Variants in PPT2 observed in about 807,000 individuals in gnomAD.
PPT2 encodes the protein lysosomal thioesterase PPT2.
A neutral mutation model predicts 37.3 loss-of-function variants in PPT2; 20 were observed. That is an observed-to-expected ratio of 0.54 (90% CI 0.38 to 0.78). The LOEUF (loss-of-function observed/expected upper bound fraction) is 0.78. Ranked by LOEUF, PPT2 falls within the 30% of genes least tolerant of loss-of-function variation. The pLI is 0.00. For missense variants in PPT2, 270 were observed against 389.8 expected (o/e 0.69, Z 2.59); for synonymous variants, 135 against 159.1 (o/e 0.85, Z 1.14).
At chr6:32,154,082 A>G, upstream of PPT2, 2 of 1,090,540 alleles carry the variant, frequency 1.8e-6, no homozygotes, top group Non-Finnish European at 2.2e-6. The surrounding 1 kb of genome is among the most constrained non-coding windows in gnomAD (Gnocchi z 7.3). Context: ...TGCCAGAGAA[A>G]GCCCCGGACG....
chr6:32,162,913 CCCTT>C lies in PPT2; in HGVS notation c.873_876del (p.Leu292MetfsTer158). On this transcript the variant is annotated frameshift_variant, in exon 9 of 9. Coordinates refer to ENST00000324816, the MANE Select transcript of PPT2 (RefSeq NM_005155.7). LOFTEE classifies it high-confidence loss of function. This position sits in a 1 kb window ranked among gnomAD's most constrained non-coding sequence, Gnocchi z 5.5. The stretch of plus-strand genomic sequence containing the variant: ...CACACAGCCTGGCACTCCAACCGTA[CCCTT>C]TATGAGACCTGCATTGAACCTTGGC... The C allele has an allele frequency of 6.2e-7, 1 of 1,614,148 alleles. No homozygotes were observed. The highest frequency in any genetic ancestry group is 8.5e-7 in the Non-Finnish European group (1 of 1,180,004).
chr6:32,155,697 T>C lies in PPT2; in HGVS notation c.347T>C (p.Val116Ala). ...GGTGTTCTGCTTACAGGGGGCCTTG[T>C]GTGCCGGGCTCTGCTTTCTGTCATG... is the stretch of plus-strand genomic sequence containing the variant. ...HLICYSQGGL[V>A]CRALLSVMDD... The change falls in exon 4 of 9, where the codon GTG becomes GCG. Residue 116 changes from valine (V) to alanine (A), a missense_variant. Val to Ala is a moderately conservative substitution (Grantham distance 64). Coordinates refer to ENST00000324816, the MANE Select transcript of PPT2 (RefSeq NM_005155.7). This position sits in a 1 kb window ranked among gnomAD's most constrained non-coding sequence, Gnocchi z 4.3. 1.2e-6 allele frequency: 2 copies of C among 1,614,032 alleles called. No individual in the cohort carries two copies. The highest frequency in any genetic ancestry group is 8.5e-7 in the Non-Finnish European group (1 of 1,180,000).
Position 32,155,992 on chromosome 6 carries a change from C to G in PPT2, c.541+14C>G, listed in dbSNP as rs533599926. On this transcript the variant is annotated intron_variant, in intron 5 of 8. Transcript: ENST00000324816. This position sits in a 1 kb window ranked among gnomAD's most constrained non-coding sequence, Gnocchi z 4.3. ...ACTACTGGCATGGTGAGTGGGGATG[C>G]TGAACTGGGGCTTCCATGGATCAGG... is the stretch of plus-strand genomic sequence containing the variant. The G allele has an allele frequency of 6.3e-7, 1 of 1,592,042 alleles. No individual in the cohort carries two copies. The highest frequency in any genetic ancestry group is 2.2e-5 in the East Asian group (1 of 44,786).
Position 32,154,952 on chromosome 6 carries a change from C to T in PPT2, c.184-78C>T. On this transcript the variant is annotated intron_variant, in intron 2 of 8. Coordinates refer to ENST00000324816, the MANE Select transcript of PPT2 (RefSeq NM_005155.7). The surrounding 1 kb of genome is among the most constrained non-coding windows in gnomAD (Gnocchi z 7.3). Reference sequence around the variant, plus strand: ...CTGGTTCTAGCAGGGTACAATAGACCTGTGGACGCGGGCCAGGGGGTGGCG... The same window carrying T: ...CTGGTTCTAGCAGGGTACAATAGACTTGTGGACGCGGGCCAGGGGGTGGCG... 1 of 1,592,800 alleles carries T rather than the reference C, an allele frequency of 6.3e-7. No individual in the cohort carries two copies. Among genetic ancestry groups the T allele is most frequent in the South Asian group, 1.1e-5 (1 of 90,112 alleles).
chr6:32,160,769 C>T (rs1449051370), intron 7 of PPT2, among the ~76,000 whole-genome samples: 1 of 151,996 alleles, frequency 6.6e-6, no homozygotes, highest in Non-Finnish European at 1.5e-5. Flanking sequence ...GAGGCCGAGG[C>T]ATGAGCCCAG....
Position 32,156,089 on chromosome 6 carries a change from T to C in PPT2, c.541+111T>C. 3 of 907,886 alleles carry C rather than the reference T, an allele frequency of 3.3e-6. No individual in the cohort carries two copies. Among genetic ancestry groups the C allele is most frequent in the East Asian group, 4.9e-5 (2 of 40,526 alleles). The allele number at this position is 907,886 out of a possible 1,614,324, so 56.2% of individuals were successfully genotyped here. On this transcript the variant is annotated intron_variant, in intron 5 of 8. Coordinates refer to ENST00000324816, the MANE Select transcript of PPT2 (RefSeq NM_005155.7). This position sits in a 1 kb window ranked among gnomAD's most constrained non-coding sequence, Gnocchi z 4.9. ...AAGATAACTTACATTTATTGAGTTA[T>C]TTGAACAGGCTCTGTTCAGAATTTT...
chr6:32,163,067 C>A lies in PPT2; in HGVS notation c.*117C>A. 2.4e-6 allele frequency: 3 copies of A among 1,240,050 alleles called. No individual in the cohort carries two copies. Among genetic ancestry groups the A allele is most frequent in the East Asian group, 2.4e-5 (1 of 42,466 alleles). The allele number at this position is 1,240,050 out of a possible 1,614,324, so 76.8% of individuals were successfully genotyped here. On this transcript the variant is annotated 3_prime_UTR_variant, in exon 9 of 9. Coordinates refer to ENST00000324816, the MANE Select transcript of PPT2 (RefSeq NM_005155.7). ...CACCTCATTGCTCCCATATTATCCC[C>A]CATTTTTAGTAGAGACGGGGTTTTA...
chr6:32,155,823 G>T lies in PPT2; in HGVS notation c.433+40G>T. On this transcript the variant is annotated intron_variant, in intron 4 of 8. Transcript: ENST00000324816. This position sits in a 1 kb window ranked among gnomAD's most constrained non-coding sequence, Gnocchi z 4.3. ...GACTCCATAGAATGCCCTGAGTTTTGGGGGAACAGAGGTTTATGGTCACTT... is the reference window on the plus strand; with the variant it reads ...GACTCCATAGAATGCCCTGAGTTTTTGGGGAACAGAGGTTTATGGTCACTT... 3 of 1,611,048 alleles carry T rather than the reference G, an allele frequency of 1.9e-6. No homozygotes were observed. The highest frequency in any genetic ancestry group is 2.5e-6 in the Non-Finnish European group (3 of 1,177,234).
chr6:32,154,905 G>C lies in PPT2; in HGVS notation c.184-125G>C. On this transcript the variant is annotated intron_variant, in intron 2 of 8. Transcript: ENST00000324816. This position sits in a 1 kb window ranked among gnomAD's most constrained non-coding sequence, Gnocchi z 7.3. ...CTCAGGGAGCTGGTGCTGGCGTGGG[G>C]GAGAGTTGGGGGACGGGATCCCTGG... 1 of 1,531,968 alleles carries C rather than the reference G, an allele frequency of 6.5e-7. No individual in the cohort carries two copies. The highest frequency in any genetic ancestry group is 8.9e-7 in the Non-Finnish European group (1 of 1,123,422). The allele number at this position is 1,531,968 out of a possible 1,614,324, so 94.9% of individuals were successfully genotyped here.
intron 6 of PPT2, 45 bp downstream of exon 6, chr6:32,157,765 G>C: frequency 6.4e-7 from 1 of 1,566,014 alleles, no homozygotes; most frequent in Non-Finnish European, 8.8e-7. Flanking sequence ...CTGCTTCTTT[G>C]ACTCCCTATG....
intron 7 of PPT2, among the ~76,000 whole-genome samples, chr6:32,159,584 C>T (rs1008274746): frequency 1.3e-5 from 2 of 150,612 alleles, no homozygotes; most frequent in African/African-American, 4.9e-5. Flanking sequence ...CAGGACATCT[C>T]TTAAAATATT....
upstream of PPT2, chr6:32,153,641 G>A: frequency 6.2e-7 from 1 of 1,602,178 alleles, no homozygotes; most frequent in Non-Finnish European, 8.5e-7. This position sits in a 1 kb window ranked among gnomAD's most constrained non-coding sequence, Gnocchi z 4.4. Flanking sequence ...AGAGTTGTAA[G>A]TCGCTGACCT....
In PPT2 at chr6:32,154,854, G is replaced by A; in HGVS notation, c.183+77G>A. The A allele has an allele frequency of 6.5e-7, 1 of 1,548,046 alleles. No homozygotes were observed. Among genetic ancestry groups the A allele is most frequent in the Non-Finnish European group, 8.8e-7 (1 of 1,140,074 alleles). On this transcript the variant is annotated intron_variant, in intron 2 of 8. Coordinates refer to ENST00000324816, the MANE Select transcript of PPT2 (RefSeq NM_005155.7). This position sits in a 1 kb window ranked among gnomAD's most constrained non-coding sequence, Gnocchi z 7.3. Reference sequence around the variant, plus strand: ...GGGGAGGGAGAGCGGGGAACTGAAAGCCACCCCTCTGGGCCTGCCCAGTTC... The same window carrying A: ...GGGGAGGGAGAGCGGGGAACTGAAAACCACCCCTCTGGGCCTGCCCAGTTC...
upstream of PPT2, chr6:32,153,762 C>T: frequency 2.4e-6 from 3 of 1,249,624 alleles, no homozygotes; most frequent in African/African-American, 3.0e-5. This position sits in a 1 kb window ranked among gnomAD's most constrained non-coding sequence, Gnocchi z 4.4. Flanking sequence ...ATGCAGAGGA[C>T]TACCTTTCCC....
Position 32,155,612 on chromosome 6 carries a change from GT to G in PPT2, c.338-75del. On this transcript the variant is annotated intron_variant, in intron 3 of 8. Coordinates refer to ENST00000324816, the MANE Select transcript of PPT2 (RefSeq NM_005155.7). The surrounding 1 kb of genome is among the most constrained non-coding windows in gnomAD (Gnocchi z 4.3). ...TGTGTGTGTGTGTGTGTGTGTGTGT[GT>G]GTGTGGTGGGGGTGGGGGGTGCTGC... 1 of 931,428 alleles carries G rather than the reference GT, an allele frequency of 1.1e-6. No homozygotes were observed. Among genetic ancestry groups the G allele is most frequent in the Non-Finnish European group, 1.8e-6 (1 of 569,524 alleles). The allele number at this position is 931,428 out of a possible 1,614,324, so 57.7% of individuals were successfully genotyped here.
Position 32,155,584 on chromosome 6 carries a change from C to CTCTGTGTGTGTG in PPT2, c.338-103_338-102insCTGTGTGTGTGT, listed in dbSNP as rs1554127208. On this transcript the variant is annotated intron_variant, in intron 3 of 8. Transcript: ENST00000324816. The surrounding 1 kb of genome is among the most constrained non-coding windows in gnomAD (Gnocchi z 4.3). Reference sequence around the variant, plus strand: ...GTACAGTGTGTGTCTGTGTGTGTCTCTGTGTGTGTGTGTGTGTGTGTGTGT... The same window carrying CTCTGTGTGTGTG: ...GTACAGTGTGTGTCTGTGTGTGTCTCTCTGTGTGTGTGTGTGTGTGTGTGTGTGTGTGTGTGT... 5.7e-6 allele frequency: 4 copies of CTCTGTGTGTGTG among 698,714 alleles called. No homozygotes were observed. The highest frequency in any genetic ancestry group is 4.3e-5 in the African/African-American group (2 of 46,072). The allele number at this position is 698,714 out of a possible 1,614,324, so 43.3% of individuals were successfully genotyped here. A position where few individuals can be genotyped will look rare whatever the true frequency, so the allele number is the denominator to read the frequency against.
Position 32,154,481 on chromosome 6 carries a change from G to A in PPT2, c.-9+77G>A. The A allele has an allele frequency of 7.3e-6, 11 of 1,502,464 alleles. No homozygotes were observed. The highest frequency in any genetic ancestry group is 4.0e-5 in the South Asian group (3 of 75,006). The allele number at this position is 1,502,464 out of a possible 1,614,324, so 93.1% of individuals were successfully genotyped here. A position where few individuals can be genotyped will look rare whatever the true frequency, so the allele number is the denominator to read the frequency against. ...TTAAAAGTAGGCTATTTTGTGACAC[G>A]GACCTGGTGTGGGAGCGAGAGGAGG... On this transcript the variant is annotated intron_variant, in intron 1 of 8. Transcript: ENST00000324816. The surrounding 1 kb of genome is among the most constrained non-coding windows in gnomAD (Gnocchi z 7.3).
Position 32,163,197 on chromosome 6 carries a change from TG to T in PPT2, c.*248del. 2.0e-6 allele frequency: 1 copy of T among 493,596 alleles called. No individual in the cohort carries two copies. 30.6% of individuals were successfully genotyped at this position (493,596 alleles called of 1,614,324 possible). On this transcript the variant is annotated 3_prime_UTR_variant, in exon 9 of 9. Coordinates refer to ENST00000324816, the MANE Select transcript of PPT2 (RefSeq NM_005155.7). ...TCTCATTTGGGGGATTGCTCCGTGC[TG>T]TCCCTTTCTCTCAAGGCCGAAGTTG...
At chr6:32,157,235 T>C in intron 5 of PPT2, 1 of 216,002 alleles carries the variant, frequency 4.6e-6, no homozygotes, top group South Asian at 8.9e-5. Flanking sequence ...ACTATTATTA[T>C]TTTGAGATGG....
Sources: allele counts gnomAD v4.1 joint callset (sites outside exome capture counted in the v4.1 genomes callset), GRCh38; gene constraint gnomAD v4.1.1; non-coding constraint Gnocchi (gnomAD v3.1); transcripts MANE v1.5; gene names NCBI Gene and HGNC (gene_info 2026-07-23, HGNC 2026-07-21).